Variants in GRM8 observed in about 807,000 individuals in gnomAD.
The protein encoded by GRM8 is glutamate metabotropic receptor 8, also known as metabotropic glutamate receptor 8.
Under a neutral mutation model 87.2 loss-of-function variants are expected in GRM8, and 47 were observed. The observed-to-expected ratio is 0.54, with a 90% CI of 0.43 to 0.69. The LOEUF (loss-of-function observed/expected upper bound fraction) is 0.69, where lower values mean the gene tolerates loss of function less well. Ranked by LOEUF, GRM8 falls within the 30% of genes least tolerant of loss-of-function variation. The probability of loss-of-function intolerance (pLI) is 0.00; values close to 1 mark genes in which losing one functional copy is unlikely to be tolerated. For missense variants in GRM8, 1,019 were observed against 1,139.2 expected (o/e 0.89, Z 1.52); for synonymous variants, 396 against 404.5 (o/e 0.98, Z 0.25).
intron 2 of GRM8, among the ~76,000 whole-genome samples, chr7:127,210,043 T>G (rs17868696): frequency 0.022 from 3,416 of 151,940 alleles, 120 homozygotes; most frequent in African/African-American, 0.077. Context: ...CTGTTAAGAG[T>G]TGGAATGTTA....
intron 9 of GRM8, among the ~76,000 whole-genome samples, chr7:126,469,392 C>A (rs890760965): frequency 5.3e-5 from 8 of 151,798 alleles, no homozygotes; most frequent in African/African-American, 1.7e-4. Context: ...TCAAGTTAAC[C>A]CCCATGTTGT....
At chr7:126,893,839 T>C (rs1457346515) in intron 6 of GRM8, among the ~76,000 whole-genome samples, 1 of 151,978 alleles carries the variant, frequency 6.6e-6, no homozygotes, top group African/African-American at 2.4e-5. Flanking sequence ...ATTTCTCAAT[T>C]AGCCTTAGTA....
At chr7:127,235,586 T>G (rs772204920) in intron 2 of GRM8, among the ~76,000 whole-genome samples, 5 of 152,214 alleles carry the variant, frequency 3.3e-5, no homozygotes, top group Non-Finnish European at 5.9e-5. Flanking sequence ...ATCAGAGATT[T>G]GTAAAATAAA....
At chr7:127,197,383 T>G (rs1034326947) in intron 2 of GRM8, among the ~76,000 whole-genome samples, 40 of 152,352 alleles carry the variant, frequency 2.6e-4, no homozygotes, top group Middle Eastern at 6.8e-3. Context: ...TAGTTTGTAC[T>G]TGAAGCTTTT....
At chr7:126,770,323 C>A (rs748732348) in intron 6 of GRM8, among the ~76,000 whole-genome samples, 3 of 152,006 alleles carry the variant, frequency 2.0e-5, no homozygotes, top group Non-Finnish European at 4.4e-5. Flanking sequence ...CTTTTTTCCA[C>A]CTTATTGAGT....
intron 6 of GRM8, among the ~76,000 whole-genome samples, chr7:126,843,379 A>C (rs2130619210): frequency 6.6e-6 from 1 of 152,378 alleles, no homozygotes; most frequent in Admixed American, 6.5e-5. Context: ...GGAAGAGAGA[A>C]GAGAGCTAAA....
chr7:126,780,969 T>G (rs1302821134), intron 6 of GRM8, among the ~76,000 whole-genome samples: 1 of 151,912 alleles, frequency 6.6e-6, no homozygotes, highest in Non-Finnish European at 1.5e-5. Flanking sequence ...GTGATGAAAG[T>G]GAAGAAATGT....
intron 7 of GRM8, among the ~76,000 whole-genome samples, 173 bp downstream of exon 7, chr7:126,769,691 TA>T (rs201962102): frequency 1.3e-5 from 2 of 152,054 alleles, no homozygotes; most frequent in Non-Finnish European, 2.9e-5. Context: ...AATGGTAGCA[TA>T]AAAAATATGT....
At chr7:126,599,924 T>C (rs975489735) in intron 8 of GRM8, among the ~76,000 whole-genome samples, 1 of 152,084 alleles carries the variant, frequency 6.6e-6, no homozygotes, top group Non-Finnish European at 1.5e-5. Flanking sequence ...ATTGGCAAAC[T>C]GGAGGTGCTG....
chr7:127,052,290 T>C (rs1033712382), intron 3 of GRM8, among the ~76,000 whole-genome samples: 6 of 152,160 alleles, frequency 3.9e-5, no homozygotes, highest in Admixed American at 2.0e-4. Context: ...CAATATATAT[T>C]GGTGCTCAAA....
intron 6 of GRM8, among the ~76,000 whole-genome samples, chr7:126,867,523 G>A (rs1169446784): frequency 6.6e-6 from 1 of 152,126 alleles, no homozygotes; most frequent in Non-Finnish European, 1.5e-5. Context: ...AAAAGCAGAG[G>A]TGCTTTATAA....
intron 6 of GRM8, among the ~76,000 whole-genome samples, chr7:126,859,034 G>T (rs926858401): frequency 1.3e-5 from 2 of 151,294 alleles, no homozygotes; most frequent in African/African-American, 4.9e-5. Flanking sequence ...ACCACCACAT[G>T]ATAAAACAGC....
At chr7:127,223,320 A>C (rs1450262829) in intron 2 of GRM8, among the ~76,000 whole-genome samples, 1 of 152,062 alleles carries the variant, frequency 6.6e-6, no homozygotes, top group Non-Finnish European at 1.5e-5. Flanking sequence ...AATAAGCAAA[A>C]AAAGCTCCTC....
chr7:127,203,630 C>T (rs908345200), intron 2 of GRM8, among the ~76,000 whole-genome samples: 16 of 151,968 alleles, frequency 1.1e-4, no homozygotes, highest in African/African-American at 3.9e-4. Flanking sequence ...ATCGCTTGAA[C>T]CAGGGAAGTG....
chr7:126,577,882 CTCTT>C (rs772763244), intron 8 of GRM8, among the ~76,000 whole-genome samples: 1 of 152,092 alleles, frequency 6.6e-6, no homozygotes, highest in Non-Finnish European at 1.5e-5. Flanking sequence ...CCCAAAGACT[CTCTT>C]TCTTCTTTCA....
chr7:127,092,245 T>C (rs999513885), intron 3 of GRM8, among the ~76,000 whole-genome samples: 1 of 152,092 alleles, frequency 6.6e-6, no homozygotes, highest in African/African-American at 2.4e-5. Context: ...ATTCTCTCTG[T>C]GGCAATGGTC....
At chr7:127,121,924 G>A (rs1001101548) in intron 2 of GRM8, among the ~76,000 whole-genome samples, 2 of 152,098 alleles carry the variant, frequency 1.3e-5, no homozygotes, top group South Asian at 2.1e-4. Context: ...AGTAGCCTTG[G>A]CAACTGAAGG....
At chr7:126,930,746 G>A (rs1805678993) in intron 3 of GRM8, among the ~76,000 whole-genome samples, 2 of 152,166 alleles carry the variant, frequency 1.3e-5, no homozygotes, top group African/African-American at 4.8e-5. Flanking sequence ...GTTTTCATGT[G>A]AGCCGAGTAT....
intron 2 of GRM8, among the ~76,000 whole-genome samples, chr7:127,198,953 G>T (rs60083140): frequency 0.19 from 28,757 of 151,046 alleles, 3,111 homozygotes; most frequent in Non-Finnish European, 0.25. Context: ...CAATTCTCCT[G>T]CCTCAGCCTT....
Sources: allele counts gnomAD v4.1 joint callset (sites outside exome capture counted in the v4.1 genomes callset), GRCh38; gene constraint gnomAD v4.1.1; transcripts MANE v1.5; gene names NCBI Gene and HGNC (gene_info 2026-07-23, HGNC 2026-07-21).